The following TSPEAR variants were observed in gnomAD, a reference collection of about 807,000 sequenced individuals.
TSPEAR encodes the protein thrombospondin-type laminin G domain and EAR repeat-containing protein.
TSPEAR carries 69 observed loss-of-function variants against 71.6 expected under a neutral mutation model. The observed-to-expected ratio is 0.96, with a 90% confidence interval of 0.79 to 1.18. TSPEAR has a LOEUF of 1.18. Ranked by LOEUF, TSPEAR falls within the 50% of genes most tolerant of loss-of-function variation. The pLI is 0.00. For missense variants in TSPEAR, 971 were observed against 894.9 expected, an observed-to-expected ratio of 1.09 and a Z score of -1.09; for synonymous variants, 402 against 387.2, an observed-to-expected ratio of 1.04 and a Z score of -0.45.
At chr21:44,601,461 C>T in intron 1 of TSPEAR, 1 of 1,611,996 alleles carries the variant, frequency 6.2e-7, no homozygotes, top group Non-Finnish European at 8.5e-7. Context: ...TGCCCGTCTG[C>T]TCTGGGGCTT....
chr21:44,663,252 G>A lies in TSPEAR; in HGVS notation c.82+48181C>T, dbSNP rs587600946. ...AAAAGAAAAAAAAAGACACAAAATA[G>A]CAATATTAGGAGTGAAGAAGAGACA... On this transcript the variant is annotated intron_variant, in intron 1 of 11. Coordinates refer to ENST00000323084, the MANE Select transcript of TSPEAR (RefSeq NM_144991.3). 4.6e-5 allele frequency among the ~76,000 whole-genome samples: 7 copies of A among 151,876 alleles called. No individual in the cohort carries two copies. In the South Asian group the frequency reaches 1.5e-3, roughly 32 times the overall value.
rs942136568 is a variant in TSPEAR at position 44,556,666 on chromosome 21, T to C, written c.303+11119A>G. ...GAGATCGCACCACTGCACTCCAGTC[T>C]GGGCAACAGAGCCAGACTCCGCCTA... On this transcript the variant is annotated intron_variant, in intron 2 of 11. Coordinates refer to ENST00000323084, the MANE Select transcript of TSPEAR (RefSeq NM_144991.3). Among the ~76,000 whole-genome samples, 10 of 152,336 alleles carry C rather than the reference T, an allele frequency of 6.6e-5. No individual in the cohort carries two copies. The South Asian group carries it at 1.9e-3, about 28-fold the overall frequency.
intron 2 of TSPEAR, chr21:44,550,870 A>G (rs1287847534): frequency 5.9e-6 from 9 of 1,536,534 alleles, no homozygotes; most frequent in Non-Finnish European, 7.1e-6. Flanking sequence ...GGTACACAGC[A>G]GATGGACTTG....
At chr21:44,610,500 C>G (rs1467421674) in intron 1 of TSPEAR, among the ~76,000 whole-genome samples, 1 of 152,246 alleles carries the variant, frequency 6.6e-6, no homozygotes, top group Admixed American at 6.5e-5. Context: ...GCCTAGATTT[C>G]AGAAGATATA....
At chr21:44,683,153 A>T (rs1986691965) in intron 1 of TSPEAR, among the ~76,000 whole-genome samples, 1 of 152,112 alleles carries the variant, frequency 6.6e-6, no homozygotes, top group Non-Finnish European at 1.5e-5. Flanking sequence ...TCAGAATAGG[A>T]TTTTTAGGGA....
At chr21:44,673,133 G>A (rs587769332) in intron 1 of TSPEAR, among the ~76,000 whole-genome samples, 1 of 152,292 alleles carries the variant, frequency 6.6e-6, no homozygotes, top group Admixed American at 6.5e-5. Flanking sequence ...GACAAGGAGA[G>A]AATTCTAAAA....
chr21:44,676,551 C>T, intron 1 of TSPEAR: 1 of 734,538 alleles, frequency 1.4e-6, no homozygotes. Flanking sequence ...TGTGAACTTG[C>T]TCTTGACTTA....
chr21:44,525,723 G>A lies in TSPEAR; in HGVS notation c.1266C>T (p.His422=), dbSNP rs2052841896. Residue 422 remains histidine (H), a synonymous_variant, in exon 8 of 12, where the codon CAC becomes CAT. Transcript: ENST00000323084. ...KFTPYQSIAT[H]SARDWEAFEV... ...CGAAGGCCTCCCAGTCTCGGGCGCT[G>A]TGTGTGGCAATGCTCTGATATGGGG... is the stretch of plus-strand genomic sequence containing the variant. 6.2e-7 allele frequency: 1 copy of A among 1,614,088 alleles called. No individual in the cohort carries two copies. The highest frequency in any genetic ancestry group is 1.1e-5 in the South Asian group (1 of 91,078).
intron 8 of TSPEAR, among the ~76,000 whole-genome samples, chr21:44,522,745 G>A (rs1355772321): frequency 6.6e-6 from 1 of 152,262 alleles, no homozygotes; most frequent in Non-Finnish European, 1.5e-5. Context: ...GCTGGCACAA[G>A]GCGGGACAGC....
rs1012697434 is a variant in TSPEAR, at chr21:44,646,379, G to A, written c.82+65054C>T. On this transcript the variant is annotated intron_variant, in intron 1 of 11. Coordinates refer to ENST00000323084, the MANE Select transcript of TSPEAR (RefSeq NM_144991.3). ...AGGGATTTAAAAGCCCCACAGCCCT[G>A]AGCACCTCACTCACTCACTCACACA... The A allele has an allele frequency of 1.2e-4, 182 of 1,540,272 alleles. 3 individuals carry two copies. The Admixed American group carries it at 2.0e-3, about 17-fold the overall frequency.
intron 2 of TSPEAR, among the ~76,000 whole-genome samples, chr21:44,561,951 A>G (rs2053640393): frequency 6.6e-6 from 1 of 152,232 alleles, no homozygotes; most frequent in South Asian, 2.1e-4. Context: ...CATCACTCCT[A>G]TTCAACATAG....
rs374021710 is a variant in TSPEAR, at chr21:44,601,391, C to T, written c.83-33386G>A. On this transcript the variant is annotated intron_variant, in intron 1 of 11. Transcript: ENST00000323084. ...TCATGCTGCCAGCCAGCTTGCTGCA[C>T]CTCCTCCCAAAGCCAGCAGGGCTGC... 8 of 1,612,260 alleles carry T rather than the reference C, an allele frequency of 5.0e-6. No individual in the cohort carries two copies. The African/African-American group carries it at 6.7e-5, about 13-fold the overall frequency.
chr21:44,702,395 G>A (rs1038500329), intron 1 of TSPEAR: 22 of 1,591,536 alleles, frequency 1.4e-5, no homozygotes, highest in East Asian at 2.2e-5. Context: ...CCCAGCTCCT[G>A]CACGCCCTTG....
chr21:44,688,314 C>T (rs1986952766), intron 1 of TSPEAR, among the ~76,000 whole-genome samples: 2 of 152,120 alleles, frequency 1.3e-5, no homozygotes, highest in Admixed American at 1.3e-4. Context: ...AACAGTGTGG[C>T]TGCCCCAGGG....
At chr21:44,653,858 G>A (rs1984958652) in intron 1 of TSPEAR, among the ~76,000 whole-genome samples, 2 of 152,306 alleles carry the variant, frequency 1.3e-5, no homozygotes, top group Non-Finnish European at 2.9e-5. Context: ...TTGAGAGGCC[G>A]CTCACCAGGC....
In TSPEAR at chr21:44,546,210, C is replaced by T. The variant is rs138879184; in HGVS notation, c.304-12287G>A. ...GAATTCTTATAAACACACAAACTAC[C>T]GACATGGCTACCTTTCCTTCATATG... On this transcript the variant is annotated intron_variant, in intron 2 of 11. Transcript: ENST00000323084. This position sits in a 1 kb window ranked among gnomAD's most constrained non-coding sequence, Gnocchi z 4.4. Among the ~76,000 whole-genome samples, 27 of 152,294 alleles carry T rather than the reference C, an allele frequency of 1.8e-4. No homozygotes were observed. Among genetic ancestry groups the T allele is most frequent in the African/African-American group, 6.0e-4 (25 of 41,564 alleles).
At chr21:44,646,510 C>A in intron 1 of TSPEAR, 2 of 1,612,990 alleles carry the variant, frequency 1.2e-6, no homozygotes, top group Non-Finnish European at 1.7e-6. Flanking sequence ...CGACTCCTGG[C>A]AGGTGGACGA....
intron 1 of TSPEAR, among the ~76,000 whole-genome samples, chr21:44,585,765 T>G (rs1316087069): frequency 6.6e-6 from 1 of 152,246 alleles, no homozygotes; most frequent in Non-Finnish European, 1.5e-5. Context: ...TCTTGTTTCA[T>G]GGAGTAACGG....
intron 9 of TSPEAR, chr21:44,516,416 C>T (rs2052573099): frequency 6.6e-6 from 1 of 152,498 alleles, no homozygotes; most frequent in Non-Finnish European, 1.5e-5. Context: ...GGGAGCTCCT[C>T]TGATTCCTGG....
Sources: allele counts gnomAD v4.1 joint callset (sites outside exome capture counted in the v4.1 genomes callset), GRCh38; gene constraint gnomAD v4.1.1; non-coding constraint Gnocchi (gnomAD v3.1); transcripts MANE v1.5; gene names NCBI Gene and HGNC (gene_info 2026-07-23, HGNC 2026-07-21).